BCAS3: variants seen among roughly 807,000 people sequenced by gnomAD.
The protein encoded by BCAS3 is BCAS4/BCAS3 fusion.
Under a neutral mutation model 116.1 loss-of-function variants are expected in BCAS3, and 53 were observed. The observed-to-expected ratio is 0.46, with a 90% CI of 0.37 to 0.57. BCAS3 has a LOEUF of 0.57. Among genes scored for constraint, BCAS3 ranks in the 20% least tolerant of loss-of-function variants. The probability of loss-of-function intolerance (pLI) is 0.00; values close to 1 mark genes in which losing one functional copy is unlikely to be tolerated. For missense variants in BCAS3, 917 were observed against 1,165.4 expected, an observed-to-expected ratio of 0.79 and a Z score of 3.10; for synonymous variants, 391 against 408.2, an observed-to-expected ratio of 0.96 and a Z score of 0.51.
intron 6 of BCAS3, among the ~76,000 whole-genome samples, chr17:60,767,437 C>T (rs9899141): frequency 0.26 from 39,307 of 149,488 alleles, 10,916 homozygotes; most frequent in African/African-American, 0.71. Context: ...CTCTGCCTCC[C>T]GTGTTCAAGC....
At chr17:60,943,731 G>A (rs1178328905) in intron 13 of BCAS3, among the ~76,000 whole-genome samples, 1 of 151,988 alleles carries the variant, frequency 6.6e-6, no homozygotes, top group Non-Finnish European at 1.5e-5. Context: ...GTGTTCAAGT[G>A]TATATGGAAC....
intron 22 of BCAS3, among the ~76,000 whole-genome samples, chr17:61,290,849 C>T (rs913361854): frequency 6.6e-6 from 1 of 152,182 alleles, no homozygotes; most frequent in South Asian, 2.1e-4. Flanking sequence ...GGCGTGATCT[C>T]GGCTCACTGT....
At chr17:60,829,493 CA>C (rs538508139) in intron 7 of BCAS3, among the ~76,000 whole-genome samples, 13,170 of 124,414 alleles carry the variant, frequency 0.11, 1,907 homozygotes, top group African/African-American at 0.33. Flanking sequence ...GACTGTGTCT[CA>C]AAAAAAAAAA....
At chr17:60,951,098 G>A (rs192372675) in intron 14 of BCAS3, among the ~76,000 whole-genome samples, 1 of 149,092 alleles carries the variant, frequency 6.7e-6, no homozygotes, top group South Asian at 2.1e-4. Flanking sequence ...GTATGGCAAA[G>A]CTATTGATAA....
At chr17:60,697,858 T>C in intron 4 of BCAS3, among the ~76,000 whole-genome samples, 1 of 151,784 alleles carries the variant, frequency 6.6e-6, no homozygotes, top group Non-Finnish European at 1.5e-5. Context: ...AGTTCAGATT[T>C]AGAGGTAGAA....
chr17:60,814,251 G>C (rs972303164), intron 7 of BCAS3, among the ~76,000 whole-genome samples: 3 of 149,724 alleles, frequency 2.0e-5, no homozygotes, highest in Non-Finnish European at 4.4e-5. Flanking sequence ...TTGTTCATTA[G>C]ATGTATTTCT....
At chr17:60,869,714 G>A (rs2054928234) in intron 8 of BCAS3, among the ~76,000 whole-genome samples, 1 of 152,174 alleles carries the variant, frequency 6.6e-6, no homozygotes, top group Non-Finnish European at 1.5e-5. Flanking sequence ...GACACATCAA[G>A]TTGATCAGAA....
intron 23 of BCAS3, among the ~76,000 whole-genome samples, chr17:61,386,664 GC>G (rs2059866184): frequency 6.6e-6 from 1 of 152,162 alleles, no homozygotes; most frequent in Admixed American, 6.5e-5. Flanking sequence ...AGGGCTCAAT[GC>G]CCCCACTTCC....
chr17:60,842,498 A>AT (rs907182402), intron 7 of BCAS3, among the ~76,000 whole-genome samples: 43 of 149,274 alleles, frequency 2.9e-4, no homozygotes, highest in South Asian at 4.3e-4. Flanking sequence ...TACTAGAACA[A>AT]TTTTTTTTTT....
intron 7 of BCAS3, among the ~76,000 whole-genome samples, chr17:60,820,772 C>T (rs2049891857): frequency 2.0e-5 from 3 of 151,930 alleles, no homozygotes; most frequent in Admixed American, 6.6e-5. Context: ...TGGACAAAGA[C>T]CAGGGAGTAA....
chr17:60,700,173 C>CAA (rs531616609), intron 4 of BCAS3, among the ~76,000 whole-genome samples: 2 of 121,592 alleles, frequency 1.6e-5, no homozygotes, highest in Non-Finnish European at 3.2e-5. Context: ...GACCCTGTCT[C>CAA]AAAAAAAAAA....
In BCAS3 at chr17:60,961,757, A is replaced by G. The variant is rs903828016; in HGVS notation, c.1221+14405A>G. Among the ~76,000 whole-genome samples, 4 of 149,870 alleles carry G rather than the reference A, an allele frequency of 2.7e-5. No homozygotes were observed. The highest frequency in any genetic ancestry group is 4.4e-5 in the Non-Finnish European group (3 of 67,654). Reference sequence around the variant, plus strand: ...TCTGATAACTGCCATTCTACTCTCTATCTTCATGAGGCCCACTGCTTTTTT... The same window carrying G: ...TCTGATAACTGCCATTCTACTCTCTGTCTTCATGAGGCCCACTGCTTTTTT... On this transcript the variant is annotated intron_variant, in intron 14 of 23. Coordinates refer to ENST00000407086, the MANE Select transcript of BCAS3 (RefSeq NM_017679.5). The surrounding 1 kb of genome is among the most constrained non-coding windows in gnomAD (Gnocchi z 4.8).
chr17:61,150,101 A>G (rs73324895), intron 22 of BCAS3, among the ~76,000 whole-genome samples: 11,887 of 152,224 alleles, frequency 0.078, 1,621 homozygotes, highest in African/African-American at 0.27. Context: ...GCCTGAATAA[A>G]GTCCCAACTA....
In BCAS3 at chr17:61,380,421, G is replaced by T; in HGVS notation, c.2594-11556G>T. On this transcript the variant is annotated intron_variant, in intron 23 of 23. Transcript: ENST00000407086. This position sits in a 1 kb window ranked among gnomAD's most constrained non-coding sequence, Gnocchi z 4.2. ...AGTGGTCAAACCAGATTTGGGTATC[G>T]ACTCACTTTGATCTCAGCTCTTCCT... is the stretch of plus-strand genomic sequence containing the variant. 7.6e-7 allele frequency: 1 copy of T among 1,312,676 alleles called. No homozygotes were observed. Among genetic ancestry groups the T allele is most frequent in the Non-Finnish European group, 1.1e-6 (1 of 937,534 alleles). 81.3% of individuals were successfully genotyped at this position (1,312,676 alleles called of 1,614,324 possible). A position where few individuals can be genotyped will look rare whatever the true frequency, so the allele number is the denominator to read the frequency against.
chr17:61,022,400 C>T (rs919757455), intron 16 of BCAS3, among the ~76,000 whole-genome samples: 4 of 152,032 alleles, frequency 2.6e-5, no homozygotes, highest in African/African-American at 7.2e-5. Context: ...CCCGCCACCA[C>T]GCTTGGCTAA....
rs1187507102 is a variant in BCAS3 at position 61,181,410 on chromosome 17, G to GATT, written c.2425+96847_2425+96849dup. Among the ~76,000 whole-genome samples, 1 of 152,188 alleles carries GATT rather than the reference G, an allele frequency of 6.6e-6. No individual in the cohort carries two copies. Among genetic ancestry groups the GATT allele is most frequent in the African/African-American group, 2.4e-5 (1 of 41,452 alleles). ...ATAGCCACTCAGAGAACTGAGAAGT[G>GATT]ATTTATTGCTGGAGGTGATATTATC... On this transcript the variant is annotated intron_variant, in intron 22 of 23. Coordinates refer to ENST00000407086, the MANE Select transcript of BCAS3 (RefSeq NM_017679.5). The surrounding 1 kb of genome is among the most constrained non-coding windows in gnomAD (Gnocchi z 5.0).
intron 6 of BCAS3, among the ~76,000 whole-genome samples, chr17:60,749,849 A>C (rs2042300560): frequency 6.6e-6 from 1 of 152,212 alleles, no homozygotes; most frequent in Admixed American, 6.5e-5. Flanking sequence ...TTATTCCAGG[A>C]ATACAATGTT....
In BCAS3 at chr17:61,346,349, A is replaced by G. The variant is rs1476380210; in HGVS notation, c.2426-21978A>G. Among the ~76,000 whole-genome samples the G allele has an allele frequency of 2.0e-5, 3 of 152,228 alleles. No homozygotes were observed. The highest frequency in any genetic ancestry group is 4.4e-5 in the Non-Finnish European group (3 of 68,034). On this transcript the variant is annotated intron_variant, in intron 22 of 23. Transcript: ENST00000407086. This position sits in a 1 kb window ranked among gnomAD's most constrained non-coding sequence, Gnocchi z 5.4. ...AAAAATCAGGAGAAAACTTTTTTAA[A>G]TGCCTGAAAGGAATGTTATATGAGA...
At position 60,990,516 on chromosome 17, in the gene BCAS3, G is replaced by A. The variant is rs2063457273; in HGVS notation, c.1486+281G>A. Among the ~76,000 whole-genome samples, 1 of 152,128 alleles carries A rather than the reference G, an allele frequency of 6.6e-6. No homozygotes were observed. Among genetic ancestry groups the A allele is most frequent in the Non-Finnish European group, 1.5e-5 (1 of 68,022 alleles). ...TTGGAACTATTTTTATAACTTCAGA[G>A]AACTGAACATCCTTTTTACTTATCT... is the stretch of plus-strand genomic sequence containing the variant. On this transcript the variant is annotated intron_variant, in intron 15 of 23. Coordinates refer to ENST00000407086, the MANE Select transcript of BCAS3 (RefSeq NM_017679.5). The surrounding 1 kb of genome is among the most constrained non-coding windows in gnomAD (Gnocchi z 5.1).
Sources: gnomAD v4.1 joint callset for allele counts (sites outside exome capture counted in the v4.1 genomes callset) on GRCh38, gnomAD v4.1.1 for gene constraint, Gnocchi (gnomAD v3.1) non-coding constraint, MANE v1.5 for transcripts, NCBI Gene and HGNC (gene_info 2026-07-23, HGNC 2026-07-21) for gene names.